CCNY: variants seen among roughly 807,000 people sequenced by gnomAD.
CCNY encodes cyclin-Y.
A neutral mutation model predicts 42.8 loss-of-function variants in CCNY; 19 were observed. That is an observed-to-expected ratio of 0.44 (90% CI 0.31 to 0.65). The LOEUF (loss-of-function observed/expected upper bound fraction) is 0.65. CCNY is among the 30% of genes least tolerant of loss of function. The pLI is 0.07. For missense variants in CCNY, 370 were observed against 437.3 expected (o/e 0.85, Z 1.37); for synonymous variants, 165 against 162.7 (o/e 1.01, Z -0.11).
chr10:35,480,646 T>G (rs1258276907), intron 1 of CCNY, among the ~76,000 whole-genome samples: 1 of 152,150 alleles, frequency 6.6e-6, no homozygotes, highest in East Asian at 1.9e-4. Flanking sequence ...TTTTCACAAG[T>G]AGTTTTTAAA....
intron 3 of CCNY, among the ~76,000 whole-genome samples, chr10:35,303,777 CA>C (rs755443366): frequency 0.09 from 4,360 of 48,522 alleles, 38 homozygotes; most frequent in South Asian, 0.18. Flanking sequence ...AACTCCGTCT[CA>C]AAAAAAAAAA....
In CCNY at chr10:35,530,268, C is replaced by G. The variant is rs1840738558; in HGVS notation, c.579+25C>G. ...GGTGAGTGCCCTCAGGATGGCCACA[C>G]CCATCCCCAGCCGAGGTGGTCCAGG... On this transcript the variant is annotated intron_variant, in intron 7 of 9. Transcript: ENST00000374704. This position sits in a 1 kb window ranked among gnomAD's most constrained non-coding sequence, Gnocchi z 4.3. 6.2e-7 allele frequency: 1 copy of G among 1,613,704 alleles called. No homozygotes were observed. Among genetic ancestry groups the G allele is most frequent in the African/African-American group, 1.3e-5 (1 of 74,938 alleles).
chr10:35,412,903 G>T (rs558476156), intron 1 of CCNY, among the ~76,000 whole-genome samples: 3 of 147,770 alleles, frequency 2.0e-5, no homozygotes, highest in East Asian at 2.0e-4. Flanking sequence ...TTGCGCGGCG[G>T]GCAAGAGGAT....
At chr10:35,357,548 G>A (rs1836585797) in intron 1 of CCNY, among the ~76,000 whole-genome samples, 1 of 152,190 alleles carries the variant, frequency 6.6e-6, no homozygotes, top group South Asian at 2.1e-4. Context: ...GTTTCCTCTG[G>A]ATTAGATTCA....
At chr10:35,434,693 C>T (rs1005671486) in intron 1 of CCNY, among the ~76,000 whole-genome samples, 1 of 152,078 alleles carries the variant, frequency 6.6e-6, no homozygotes, top group African/African-American at 2.4e-5. Context: ...TGAATGAAAC[C>T]AATAAGTAGG....
intron 1 of CCNY, among the ~76,000 whole-genome samples, chr10:35,380,543 G>A (rs748299818): frequency 6.6e-6 from 1 of 152,158 alleles, no homozygotes; most frequent in Non-Finnish European, 1.5e-5. Flanking sequence ...ATAATAGTAC[G>A]ATGAGTCTCT....
At chr10:35,566,387 C>T in intron 9 of CCNY, 1 of 587,578 alleles carries the variant, frequency 1.7e-6, no homozygotes, top group East Asian at 3.2e-5. Flanking sequence ...CTCTGTCACC[C>T]AGCCTGGAGT....
chr10:35,521,080 T>C (rs1255455345), intron 4 of CCNY, among the ~76,000 whole-genome samples: 1 of 152,244 alleles, frequency 6.6e-6, no homozygotes, highest in Non-Finnish European at 1.5e-5. Flanking sequence ...GTCATATACA[T>C]TGCTAATTTA....
chr10:35,326,879 A>T (rs538438946), intron 3 of CCNY, among the ~76,000 whole-genome samples: 13 of 151,870 alleles, frequency 8.6e-5, no homozygotes, highest in Non-Finnish European at 1.9e-4. Context: ...ACAGAGTGAC[A>T]CTGTCTCTTA....
chr10:35,287,188 T>C (rs957143595), intron 3 of CCNY, among the ~76,000 whole-genome samples: 1 of 152,222 alleles, frequency 6.6e-6, no homozygotes, highest in African/African-American at 2.4e-5. Context: ...TGTTCTACTA[T>C]AGTTTGTCCA....
At chr10:35,508,234 TC>T in intron 3 of CCNY, among the ~76,000 whole-genome samples, 1 of 152,204 alleles carries the variant, frequency 6.6e-6, no homozygotes, top group Non-Finnish European at 1.5e-5. Context: ...TCTCTTCCCA[TC>T]TGTCCATCTG....
At chr10:35,347,810 C>T (rs1261323037) in intron 1 of CCNY, among the ~76,000 whole-genome samples, 1 of 152,068 alleles carries the variant, frequency 6.6e-6, no homozygotes, top group African/African-American at 2.4e-5. Context: ...CCAGTTAGTG[C>T]AATGATAATA....
At chr10:35,493,936 T>G (rs1297368172) in intron 2 of CCNY, among the ~76,000 whole-genome samples, 1 of 152,246 alleles carries the variant, frequency 6.6e-6, no homozygotes, top group East Asian at 1.9e-4. Context: ...AGCTTGTCTG[T>G]GCTGACAGCT....
chr10:35,252,016 C>T (rs2095712359), intron 3 of CCNY, among the ~76,000 whole-genome samples: 1 of 152,040 alleles, frequency 6.6e-6, no homozygotes, highest in African/African-American at 2.4e-5. Flanking sequence ...GACTAACAGG[C>T]AAATTAAGGT....
At chr10:35,355,648 A>G (rs1164664769) in intron 1 of CCNY, among the ~76,000 whole-genome samples, 2 of 124,650 alleles carry the variant, frequency 1.6e-5, no homozygotes, top group African/African-American at 6.0e-5. Flanking sequence ...ATTGCACTCC[A>G]GCCTGGGCAA....
At chr10:35,447,579 T>C (rs1838820971) in intron 1 of CCNY, among the ~76,000 whole-genome samples, 1 of 152,224 alleles carries the variant, frequency 6.6e-6, no homozygotes, top group Non-Finnish European at 1.5e-5. Flanking sequence ...TAAAATAATA[T>C]AAATACAATC....
chr10:35,256,857 A>G (rs1422372075), intron 3 of CCNY, among the ~76,000 whole-genome samples: 1 of 152,166 alleles, frequency 6.6e-6, no homozygotes, highest in Non-Finnish European at 1.5e-5. Flanking sequence ...ATAAACTAAT[A>G]ATTATTTTAA....
chr10:35,403,844 C>T lies in CCNY; in HGVS notation c.154+66637C>T, dbSNP rs1355179048. Among the ~76,000 whole-genome samples, 3 of 152,230 alleles carry T rather than the reference C, an allele frequency of 2.0e-5. No individual in the cohort carries two copies. In the East Asian group the frequency reaches 5.8e-4, roughly 29 times the overall value. On this transcript the variant is annotated intron_variant, in intron 1 of 9. Transcript: ENST00000374704. ...GATACTATAGCATAGCCTGCCTTTG[C>T]TGGTGAGTGGTGATTAGGCCTGGTG...
intron 7 of CCNY, among the ~76,000 whole-genome samples, chr10:35,533,039 C>G (rs1294998305): frequency 2.0e-5 from 3 of 152,214 alleles, no homozygotes; most frequent in African/African-American, 4.8e-5. Context: ...CTTCTCTCAC[C>G]TTTGCGCACT....
Sources: gnomAD v4.1 joint callset for allele counts (sites outside exome capture counted in the v4.1 genomes callset) on GRCh38, gnomAD v4.1.1 for gene constraint, Gnocchi (gnomAD v3.1) non-coding constraint, MANE v1.5 for transcripts, NCBI Gene and HGNC (gene_info 2026-07-23, HGNC 2026-07-21) for gene names.